DAP: variants seen among roughly 807,000 people sequenced by gnomAD.
DAP encodes death-associated protein 1.
A neutral mutation model predicts 13.8 loss-of-function variants in DAP; 8 were observed. That is an observed-to-expected ratio of 0.58 (90% CI 0.34 to 1.05). The LOEUF is 1.05. DAP is among the 50% of genes least tolerant of loss of function. The pLI is 0.03. For synonymous variants in DAP, 47 were observed against 47.5 expected, an observed-to-expected ratio of 0.99 and a Z score of 0.04; for missense variants, 106 against 133.2, an observed-to-expected ratio of 0.80 and a Z score of 1.01.
Position 10,680,987 on chromosome 5 carries a change from TTC to T in DAP, c.*67_*68del. 6.5e-7 allele frequency: 1 copy of T among 1,549,538 alleles called. No individual in the cohort carries two copies. On this transcript the variant is annotated 3_prime_UTR_variant, in exon 4 of 4. Transcript: ENST00000230895. ...AGTAGGATTTGGGCGAAACTGCTGG[TTC>T]TCTCTGTCAGGGAAATACCAAGTGC...
chr5:10,687,360 TGAAAACCTTCTG>T (rs1340492985), intron 2 of DAP, among the ~76,000 whole-genome samples: 4 of 152,216 alleles, frequency 2.6e-5, no homozygotes, highest in Non-Finnish European at 5.9e-5. Context: ...CAAAGTAAAT[TGAAAACCTTCTG>T]GAAAGAATTT....
chr5:10,690,015 C>T (rs988327418), intron 2 of DAP, among the ~76,000 whole-genome samples: 5 of 152,272 alleles, frequency 3.3e-5, no homozygotes, highest in East Asian at 1.9e-4. Context: ...GCTCCAGCGC[C>T]CCCATCTGTT....
chr5:10,711,602 C>T lies in DAP; in HGVS notation c.153-28031G>A, dbSNP rs113210750. Among the ~76,000 whole-genome samples, 358 of 152,290 alleles carry T rather than the reference C, an allele frequency of 2.4e-3. 2 individuals are homozygous for T. Among genetic ancestry groups the T allele is most frequent in the African/African-American group, 7.9e-3 (328 of 41,562 alleles). On this transcript the variant is annotated intron_variant, in intron 2 of 3. Coordinates refer to ENST00000230895, the MANE Select transcript of DAP (RefSeq NM_004394.3). The stretch of plus-strand genomic sequence containing the variant: ...ATCCTCTGAACTCTGACAGCGCTTC[C>T]TGTGTTTCCTGGAGTCGGTGCTTCT...
intron 2 of DAP, among the ~76,000 whole-genome samples, chr5:10,741,103 C>A (rs2126673658): frequency 6.6e-6 from 1 of 152,286 alleles, no homozygotes; most frequent in East Asian, 1.9e-4. Flanking sequence ...GTAATCCCAG[C>A]ACTATGGGAG....
intron 2 of DAP, among the ~76,000 whole-genome samples, chr5:10,737,555 C>T (rs551640210): frequency 2.5e-4 from 38 of 152,204 alleles, no homozygotes; most frequent in Admixed American, 1.4e-3. Flanking sequence ...ATTGGTTCAC[C>T]AAACGGCTTA....
At chr5:10,684,830 T>C (rs3822411) in intron 2 of DAP, among the ~76,000 whole-genome samples, 64,655 of 151,676 alleles carry the variant, frequency 0.43, 14,641 homozygotes, top group Middle Eastern at 0.6. Context: ...ACCCAAGACC[T>C]GGAGGTGAAT....
At chr5:10,736,398 G>C (rs569060487) in intron 2 of DAP, among the ~76,000 whole-genome samples, 1 of 152,204 alleles carries the variant, frequency 6.6e-6, no homozygotes, top group African/African-American at 2.4e-5. Context: ...GGCAGATCTC[G>C]AAGCTGCCAT....
intron 2 of DAP, among the ~76,000 whole-genome samples, chr5:10,686,583 C>T (rs1472073933): frequency 6.6e-6 from 1 of 152,194 alleles, no homozygotes; most frequent in Non-Finnish European, 1.5e-5. Context: ...CCACAACATT[C>T]CCTTAAGCCA....
At chr5:10,703,405 CA>C (rs748799964) in intron 2 of DAP, among the ~76,000 whole-genome samples, 10 of 152,072 alleles carry the variant, frequency 6.6e-5, no homozygotes, top group African/African-American at 9.7e-5. Flanking sequence ...TGTGCACAGG[CA>C]GGGGGGGTGT....
rs184141560 is a variant in DAP at position 10,726,220 on chromosome 5, A to G, written c.152+21955T>C. On this transcript the variant is annotated intron_variant, in intron 2 of 3. Transcript: ENST00000230895. ...GGAGTCCTTATAAATATGGTGGCCA[A>G]TTAGGAAGTTATCATTACTCACCCA... 3.7e-3 allele frequency among the ~76,000 whole-genome samples: 557 copies of G among 152,354 alleles called. 4 individuals carry two copies. Among genetic ancestry groups the G allele is most frequent in the Non-Finnish European group, 6.7e-3 (459 of 68,032 alleles).
In DAP at chr5:10,680,500, G is replaced by T; in HGVS notation, c.*556C>A. Reference sequence around the variant, plus strand: ...TGCATGCTTTTTCGGCTTTTCTCATGGGTGCCTCATCAGCCTGCACAGGAT... The same window carrying T: ...TGCATGCTTTTTCGGCTTTTCTCATTGGTGCCTCATCAGCCTGCACAGGAT... On this transcript the variant is annotated 3_prime_UTR_variant, in exon 4 of 4. Coordinates refer to ENST00000230895, the MANE Select transcript of DAP (RefSeq NM_004394.3). 1.8e-6 allele frequency: 1 copy of T among 555,468 alleles called. No homozygotes were observed. Among genetic ancestry groups the T allele is most frequent in the Non-Finnish European group, 3.2e-6 (1 of 316,648 alleles). The allele number at this position is 555,468 out of a possible 1,614,324, so 34.4% of individuals were successfully genotyped here. A position where few individuals can be genotyped will look rare whatever the true frequency, so the allele number is the denominator to read the frequency against.
At chr5:10,696,340 G>GC (rs1222621664) in intron 2 of DAP, among the ~76,000 whole-genome samples, 1 of 152,148 alleles carries the variant, frequency 6.6e-6, no homozygotes, top group Non-Finnish European at 1.5e-5. Context: ...AGGGGGTGTG[G>GC]CGGGGGGGAG....
At chr5:10,698,061 A>G (rs1738477233) in intron 2 of DAP, among the ~76,000 whole-genome samples, 1 of 152,094 alleles carries the variant, frequency 6.6e-6, no homozygotes, top group Admixed American at 6.5e-5. Flanking sequence ...TTCACCAGGA[A>G]TTATGTCCTT....
rs1738739896 is a variant in DAP, at chr5:10,707,970, C to T, written c.153-24399G>A. 6.6e-6 allele frequency among the ~76,000 whole-genome samples: 1 copy of T among 152,178 alleles called. No individual in the cohort carries two copies. Among genetic ancestry groups the T allele is most frequent in the African/African-American group, 2.4e-5 (1 of 41,424 alleles). On this transcript the variant is annotated intron_variant, in intron 2 of 3. Transcript: ENST00000230895. The surrounding 1 kb of genome is among the most constrained non-coding windows in gnomAD (Gnocchi z 4.0). ...TGAAATTCTTAAGAGTTGGATGCTA[C>T]ACTGAAGAGCTGAATCATCCTTTAA...
chr5:10,700,672 C>A (rs1738554847), intron 2 of DAP, among the ~76,000 whole-genome samples: 2 of 152,212 alleles, frequency 1.3e-5, no homozygotes, highest in Admixed American at 1.3e-4. Flanking sequence ...TGAGCAACCA[C>A]CCAGTGCCTG....
intron 2 of DAP, among the ~76,000 whole-genome samples, chr5:10,689,656 A>G (rs3822412): frequency 0.49 from 73,967 of 152,050 alleles, 19,619 homozygotes; most frequent in East Asian, 0.75. Context: ...GGTGAGGCCC[A>G]CCGGGTGTGG....
intron 2 of DAP, among the ~76,000 whole-genome samples, chr5:10,736,557 G>A (rs1008476684): frequency 2.6e-5 from 4 of 152,182 alleles, no homozygotes; most frequent in African/African-American, 9.7e-5. Flanking sequence ...GAGGGCTTGT[G>A]CTTGTTCTGT....
intron 2 of DAP, among the ~76,000 whole-genome samples, chr5:10,724,000 CAT>C (rs1225650764): frequency 6.6e-6 from 1 of 152,142 alleles, no homozygotes; most frequent in Admixed American, 6.5e-5. Flanking sequence ...CAGAAAAAAA[CAT>C]ATAGCAAAAA....
intron 2 of DAP, among the ~76,000 whole-genome samples, chr5:10,717,900 C>A (rs1739034017): frequency 6.6e-6 from 1 of 152,138 alleles, no homozygotes; most frequent in South Asian, 2.1e-4. Context: ...CGGAAAGCTT[C>A]TAGGTGAAAT....
Sources: allele counts gnomAD v4.1 joint callset (sites outside exome capture counted in the v4.1 genomes callset), GRCh38; gene constraint gnomAD v4.1.1; non-coding constraint Gnocchi (gnomAD v3.1); transcripts MANE v1.5; gene names NCBI Gene and HGNC (gene_info 2026-07-23, HGNC 2026-07-21).